Variants in SYNCRIP observed in about 807,000 individuals in gnomAD.
SYNCRIP encodes heterogeneous nuclear ribonucleoprotein Q.
In SYNCRIP, 9 loss-of-function variants were observed where a neutral mutation model predicts 68.9. The observed-to-expected ratio is 0.13, with a 90% CI of 0.08 to 0.23. SYNCRIP has a LOEUF of 0.23. SYNCRIP is among the 10% of genes least tolerant of loss of function. The pLI is 1.00. For synonymous variants in SYNCRIP, 258 were observed against 254.0 expected (o/e 1.02, Z -0.15); for missense variants, 414 against 770.6 (o/e 0.54, Z 5.48).
chr6:85,628,872 T>A (rs1371288669), intron 6 of SYNCRIP, among the ~76,000 whole-genome samples: 2 of 152,224 alleles, frequency 1.3e-5, no homozygotes, highest in Admixed American at 1.3e-4. Flanking sequence ...ACCAAACGTA[T>A]CATGAACAGT....
chr6:85,627,933 CAT>C (rs1406499275), intron 6 of SYNCRIP, among the ~76,000 whole-genome samples: 1 of 152,216 alleles, frequency 6.6e-6, no homozygotes, highest in African/African-American at 2.4e-5. Flanking sequence ...GTCCTTCCCT[CAT>C]AGTCACCAAA....
At chr6:85,617,197 T>TAAA (rs77973702) in intron 10 of SYNCRIP, among the ~76,000 whole-genome samples, 2 of 122,852 alleles carry the variant, frequency 1.6e-5, no homozygotes, top group Non-Finnish European at 3.6e-5. Flanking sequence ...AGTTAAAACT[T>TAAA]AAAAAAAAAA....
chr6:85,640,350 A>G, intron 3 of SYNCRIP, 22 bp from the exon 4 acceptor site: 2 of 1,603,330 alleles, frequency 1.2e-6, no homozygotes, highest in South Asian at 2.2e-5. Context: ...TGTTCCATTA[A>G]TATTTAACAA....
At chr6:85,610,419 C>A (rs1805149475), downstream of SYNCRIP, 1 of 151,952 alleles carries the variant, frequency 6.6e-6, no homozygotes, top group Non-Finnish European at 1.5e-5. Flanking sequence ...GTATAACCAT[C>A]AATTCTTCAA....
chr6:85,631,164 A>G (rs899554700), intron 6 of SYNCRIP, among the ~76,000 whole-genome samples: 2 of 152,052 alleles, frequency 1.3e-5, no homozygotes, highest in Admixed American at 1.3e-4. Context: ...CCAACATGGC[A>G]AAACGCCATC....
intron 8 of SYNCRIP, among the ~76,000 whole-genome samples, chr6:85,622,180 T>C: frequency 6.6e-6 from 1 of 152,056 alleles, no homozygotes; most frequent in African/African-American, 2.4e-5. Flanking sequence ...GAGACCAGTC[T>C]GACCAACATG....
Position 85,640,149 on chromosome 6 carries a change from C to T in SYNCRIP, c.375+72G>A, listed in dbSNP as rs1201827904. 6 of 1,022,490 alleles carry T rather than the reference C, an allele frequency of 5.9e-6. 1 individual carries two copies. The South Asian group carries it at 8.2e-5, about 14-fold the overall frequency. 63.3% of individuals were successfully genotyped at this position (1,022,490 alleles called of 1,614,324 possible). On this transcript the variant is annotated intron_variant, in intron 4 of 10. Coordinates refer to ENST00000369622, the MANE Select transcript of SYNCRIP (RefSeq NM_006372.5). ...ATCTAACATACATCCATTTCATACCCAAGGAATATTTACCAAAATTAGGAA... is the reference window on the plus strand; with the variant it reads ...ATCTAACATACATCCATTTCATACCTAAGGAATATTTACCAAAATTAGGAA...
At position 85,619,325 on chromosome 6, in the gene SYNCRIP, C is replaced by T. The variant is rs1806129298; in HGVS notation, c.1101G>A (p.Val367=). The T allele has an allele frequency of 6.2e-7, 1 of 1,614,038 alleles. No homozygotes were observed. The highest frequency in any genetic ancestry group is 8.5e-7 in the Non-Finnish European group (1 of 1,179,996). Residue 367 remains valine (V), a synonymous_variant, in exon 9 of 11, where the codon GTG becomes GTA. Coordinates refer to ENST00000369622, the MANE Select transcript of SYNCRIP (RefSeq NM_006372.5). ...TGAACGCATAATCTTTTAACTTCTTCACTCGTTCCAGTTTCCCAAACTGAC... is the reference window on the plus strand; with the variant it reads ...TGAACGCATAATCTTTTAACTTCTTTACTCGTTCCAGTTTCCCAAACTGAC... ...AFSQFGKLER[V]KKLKDYAFIH...
intron 7 of SYNCRIP, among the ~76,000 whole-genome samples, chr6:85,623,470 A>G (rs1423160246): frequency 6.7e-6 from 1 of 148,944 alleles, no homozygotes; most frequent in Non-Finnish European, 1.5e-5. Flanking sequence ...AGGCTGAGGC[A>G]AGAGAATCCC....
At chr6:85,634,471 C>T (rs1046420719) in intron 6 of SYNCRIP, among the ~76,000 whole-genome samples, 4 of 152,164 alleles carry the variant, frequency 2.6e-5, no homozygotes, top group Non-Finnish European at 4.4e-5. Flanking sequence ...TCAGCACATA[C>T]GGGGGACTGA....
chr6:85,620,388 TTAAA>T (rs1424526226), intron 8 of SYNCRIP, among the ~76,000 whole-genome samples: 1 of 152,160 alleles, frequency 6.6e-6, no homozygotes, highest in Non-Finnish European at 1.5e-5. Context: ...TAGAAGAACT[TTAAA>T]TATGTATTAC....
chr6:85,615,457 C>T, intron 10 of SYNCRIP, 110 bp from the exon 11 acceptor site: 1 of 660,934 alleles, frequency 1.5e-6, no homozygotes, highest in Non-Finnish European at 2.4e-6. Flanking sequence ...GCATAATTCA[C>T]ATAACTTTAA....
chr6:85,641,625 A>G (rs1036397538), intron 1 of SYNCRIP, among the ~76,000 whole-genome samples, 174 bp from the exon 2 acceptor site: 1 of 152,186 alleles, frequency 6.6e-6, no homozygotes, highest in African/African-American at 2.4e-5. Flanking sequence ...AGCACAGGGC[A>G]CAGAAGGACC....
chr6:85,640,266 G>T lies in SYNCRIP; in HGVS notation c.330C>A (p.Thr110=), dbSNP rs776932032. ...GTCCTTTACTAGAATCTGCTACTTTGGTCCCTTGTTTTTCTCTCTGCCTGT... is the reference window on the plus strand; with the variant it reads ...GTCCTTTACTAGAATCTGCTACTTTTGTCCCTTGTTTTTCTCTCTGCCTGT... ...KTYRQREKQG[T]KVADSSKGPD... Residue 110 remains threonine (T), a synonymous_variant, in exon 4 of 11, where the codon ACC becomes ACA. Transcript: ENST00000369622. 29 of 1,613,614 alleles carry T rather than the reference G, an allele frequency of 1.8e-5. No individual in the cohort carries two copies. The South Asian group carries it at 3.1e-4, about 17-fold the overall frequency.
intron 8 of SYNCRIP, among the ~76,000 whole-genome samples, chr6:85,622,266 T>C (rs570189123): frequency 6.6e-6 from 1 of 151,966 alleles, no homozygotes; most frequent in South Asian, 2.1e-4. Flanking sequence ...TTCCAGCTAC[T>C]TGGGAGGCAG....
intron 6 of SYNCRIP, among the ~76,000 whole-genome samples, chr6:85,634,021 A>G (rs1218645569): frequency 6.6e-6 from 1 of 152,222 alleles, no homozygotes; most frequent in East Asian, 1.9e-4. Context: ...CACAACAGAG[A>G]AACCCAGAAA....
At chr6:85,624,859 G>T (rs149209556) in intron 6 of SYNCRIP, among the ~76,000 whole-genome samples, 34 of 152,206 alleles carry the variant, frequency 2.2e-4, no homozygotes, top group Non-Finnish European at 4.1e-4. Flanking sequence ...GGATTATATG[G>T]GTTAGTTAAA....
At chr6:85,635,094 G>A (rs1027319152) in intron 6 of SYNCRIP, among the ~76,000 whole-genome samples, 1 of 152,164 alleles carries the variant, frequency 6.6e-6, no homozygotes, top group Non-Finnish European at 1.5e-5. Context: ...GAGCCCAGGA[G>A]GCAGAGATTA....
intron 6 of SYNCRIP, among the ~76,000 whole-genome samples, chr6:85,629,508 T>TA (rs1807455717): frequency 1.7e-4 from 1 of 5,748 alleles, no homozygotes; most frequent in Non-Finnish European, 4.2e-4. Context: ...GTCAACAAAC[T>TA]AAAAATACAA....
Sources: allele counts gnomAD v4.1 joint callset (sites outside exome capture counted in the v4.1 genomes callset), GRCh38; gene constraint gnomAD v4.1.1; transcripts MANE v1.5; gene names NCBI Gene and HGNC (gene_info 2026-07-23, HGNC 2026-07-21).